The following CIB3 variants were observed in gnomAD, a reference collection of about 807,000 sequenced individuals.
CIB3 encodes the protein calcium and integrin binding family member 3.
CIB3 carries 22 observed loss-of-function variants against 23.4 expected under a neutral mutation model. The observed-to-expected ratio is 0.94, with a 90% CI of 0.67 to 1.34. The LOEUF is 1.34. Ranked by LOEUF, CIB3 falls within the 40% of genes most tolerant of loss-of-function variation. CIB3 has a pLI of 0.00. For missense variants in CIB3, 258 were observed against 247.3 expected (o/e 1.04, Z -0.29); for synonymous variants, 93 against 95.8 (o/e 0.97, Z 0.17).
At chr19:16,172,498 A>G (rs897902281) in intron 2 of CIB3, among the ~76,000 whole-genome samples, 2 of 152,090 alleles carry the variant, frequency 1.3e-5, no homozygotes, top group Non-Finnish European at 2.9e-5. Context: ...TCCCCTGCTC[A>G]TGCATGCTCC....
chr19:16,172,505 C>T lies in CIB3; in HGVS notation c.86+657G>A, dbSNP rs1382875739. 3.9e-5 allele frequency among the ~76,000 whole-genome samples: 6 copies of T among 152,172 alleles called. No individual in the cohort carries two copies. The East Asian group carries it at 7.7e-4, about 20-fold the overall frequency. ...ATGGTCTCTCCCCTGCTCATGCATG[C>T]TCCATAGCTCCCTGCCACCCTTGGG... On this transcript the variant is annotated intron_variant, in intron 2 of 5. Coordinates refer to ENST00000269878, the MANE Select transcript of CIB3 (RefSeq NM_054113.4).
intron 2 of CIB3, 63 bp downstream of exon 2, chr19:16,173,099 T>A: frequency 6.4e-7 from 1 of 1,567,088 alleles, no homozygotes. Flanking sequence ...ATTGCAAATA[T>A]CCTCCAGCAA....
chr19:16,168,339 G>A (rs1308552838), intron 3 of CIB3, 55 bp from the exon 4 acceptor site: 3 of 1,597,150 alleles, frequency 1.9e-6, no homozygotes, highest in African/African-American at 1.3e-5. Context: ...GGTCTCTGGG[G>A]TCCATGTGGT....
chr19:16,169,271 G>C (rs545619739), intron 3 of CIB3, among the ~76,000 whole-genome samples: 1 of 152,258 alleles, frequency 6.6e-6, no homozygotes, highest in Admixed American at 6.5e-5. Context: ...AGTCTCCCTA[G>C]TAGCTGGGAT....
intron 2 of CIB3, among the ~76,000 whole-genome samples, chr19:16,172,896 G>A (rs563687587): frequency 6.6e-6 from 1 of 150,654 alleles, no homozygotes; most frequent in East Asian, 1.9e-4. Context: ...AGCCTGCAAT[G>A]AGCCATGATT....
chr19:16,173,059 C>T (rs946575891), intron 2 of CIB3, 103 bp downstream of exon 2: 5 of 1,322,376 alleles, frequency 3.8e-6, no homozygotes, highest in African/African-American at 2.9e-5. Context: ...CACACACACA[C>T]ACACACACAC....
At chr19:16,170,385 G>A (rs2091322938) in intron 2 of CIB3, among the ~76,000 whole-genome samples, 1 of 152,188 alleles carries the variant, frequency 6.6e-6, no homozygotes, top group African/African-American at 2.4e-5. Context: ...GTTGGGAGAA[G>A]GGAGGGTGCT....
chr19:16,168,124 G>T lies in CIB3; in HGVS notation c.346+13C>A. 1.3e-6 allele frequency: 2 copies of T among 1,599,242 alleles called. No homozygotes were observed. The highest frequency in any genetic ancestry group is 1.7e-6 in the Non-Finnish European group (2 of 1,172,838). ...CATCCCCATGCTTCCCAACCCCAGG[G>T]CCACGCACGCACCATAAATTTTAAA... On this transcript the variant is annotated intron_variant, in intron 4 of 5. Transcript: ENST00000269878.
In CIB3 at chr19:16,163,956, T is replaced by TA. The variant is rs199913502; in HGVS notation, c.542+761dup. Among the ~76,000 whole-genome samples the TA allele has an allele frequency of 4.5e-3, 684 of 151,748 alleles. 7 individuals carry two copies. Among genetic ancestry groups the TA allele is most frequent in the African/African-American group, 0.016 (643 of 41,244 alleles). Reference sequence around the variant, plus strand: ...GTCATGGAATAATCTTTTTTTAAATTAAAAAAAAATTTTTAATGTGTTTAT... The same window carrying TA: ...GTCATGGAATAATCTTTTTTTAAATTAAAAAAAAAATTTTTAATGTGTTTAT... On this transcript the variant is annotated intron_variant, in intron 5 of 5. Transcript: ENST00000269878.
chr19:16,169,754 G>T lies in CIB3; in HGVS notation c.87-13C>A. ...GCGATAGAAGAGCCTGATGTGGGGA[G>T]GAAAAAGCTGGGAAAGACTGGGAGC... On this transcript the variant is annotated splice_polypyrimidine_tract_variant and intron_variant, in intron 2 of 5. Transcript: ENST00000269878. 6.3e-7 allele frequency: 1 copy of T among 1,584,604 alleles called. No homozygotes were observed. The highest frequency in any genetic ancestry group is 8.6e-7 in the Non-Finnish European group (1 of 1,166,390).
At chr19:16,168,593 C>G (rs2091315504) in intron 3 of CIB3, among the ~76,000 whole-genome samples, 1 of 152,184 alleles carries the variant, frequency 6.6e-6, no homozygotes, top group Non-Finnish European at 1.5e-5. Flanking sequence ...GCTAGCCAAT[C>G]AGAGGCTGAC....
chr19:16,169,959 C>G (rs1263195609), intron 2 of CIB3, among the ~76,000 whole-genome samples: 1 of 152,174 alleles, frequency 6.6e-6, no homozygotes, highest in Non-Finnish European at 1.5e-5. Context: ...CCTGCCACGC[C>G]CGGCTAATTC....
At chr19:16,172,010 G>A (rs958426895) in intron 2 of CIB3, among the ~76,000 whole-genome samples, 3 of 152,206 alleles carry the variant, frequency 2.0e-5, no homozygotes, top group Non-Finnish European at 2.9e-5. Flanking sequence ...TGTGCCCATC[G>A]TGCTGGGTCA....
At chr19:16,167,233 C>A (rs2091309581) in intron 4 of CIB3, among the ~76,000 whole-genome samples, 2 of 147,040 alleles carry the variant, frequency 1.4e-5, no homozygotes, top group South Asian at 2.1e-4. Context: ...AAAAAAAAAA[C>A]ACACACACAA....
At chr19:16,162,661 G>A (rs2091289355) in intron 5 of CIB3, among the ~76,000 whole-genome samples, 1 of 151,888 alleles carries the variant, frequency 6.6e-6, no homozygotes, top group Admixed American at 6.6e-5. Context: ...GGCTGAGGCA[G>A]GGAGAAGTGC....
chr19:16,173,208 G>A lies in CIB3; in HGVS notation c.52-12C>T, dbSNP rs749654098. ...AAAAATGTGCAGTCCTGTGGAGAGA[G>A]GTGTTGTCTTAACCCGAACCCTGCC... is the stretch of plus-strand genomic sequence containing the variant. On this transcript the variant is annotated splice_polypyrimidine_tract_variant and intron_variant, in intron 1 of 5. Coordinates refer to ENST00000269878, the MANE Select transcript of CIB3 (RefSeq NM_054113.4). 1 of 1,613,972 alleles carries A rather than the reference G, an allele frequency of 6.2e-7. No individual in the cohort carries two copies. The highest frequency in any genetic ancestry group is 2.2e-5 in the East Asian group (1 of 44,860).
intron 3 of CIB3, among the ~76,000 whole-genome samples, chr19:16,168,891 CAAAT>C (rs1301121868): frequency 1.3e-5 from 2 of 152,146 alleles, no homozygotes; most frequent in Non-Finnish European, 2.9e-5. Flanking sequence ...CTGTCCCTCT[CAAAT>C]AAGGTTTTTG....
At chr19:16,165,018 G>T in intron 4 of CIB3, 105 bp from the exon 5 acceptor site, 1 of 984,498 alleles carries the variant, frequency 1.0e-6, no homozygotes, top group Non-Finnish European at 1.6e-6. Flanking sequence ...CTAAGGTCGG[G>T]CACGGTGGCT....
In CIB3 at chr19:16,167,573, T is replaced by C. The variant is rs557773963; in HGVS notation, c.346+564A>G. 3.9e-5 allele frequency among the ~76,000 whole-genome samples: 6 copies of C among 152,240 alleles called. No individual in the cohort carries two copies. The East Asian group carries it at 1.2e-3, about 30-fold the overall frequency. On this transcript the variant is annotated intron_variant, in intron 4 of 5. Coordinates refer to ENST00000269878, the MANE Select transcript of CIB3 (RefSeq NM_054113.4). ...GGAGCTGGGTGCGGTGGCTCACGTC[T>C]GTAATCCCAGCACTTTGGGAGGCCG...
Sources: gnomAD v4.1 joint callset for allele counts (sites outside exome capture counted in the v4.1 genomes callset) on GRCh38, gnomAD v4.1.1 for gene constraint, MANE v1.5 for transcripts, NCBI Gene and HGNC (gene_info 2026-07-23, HGNC 2026-07-21) for gene names.